GRM1: variants seen among roughly 807,000 people sequenced by gnomAD.
GRM1 encodes the protein metabotropic glutamate receptor 1.
A neutral mutation model predicts 90.9 loss-of-function variants in GRM1; 33 were observed. The ratio of observed to expected loss-of-function variants is 0.36; its 90% CI spans 0.28 to 0.49. The LOEUF is 0.49. Ranked by LOEUF, GRM1 falls within the 20% of genes least tolerant of loss-of-function variation. The pLI, the probability that GRM1 is intolerant of heterozygous loss-of-function variation, is 0.99. For missense variants in GRM1, 1,190 were observed against 1,534.3 expected (o/e 0.78, Z 3.75); for synonymous variants, 700 against 613.2 (o/e 1.14, Z -2.09).
At chr6:146,380,247 A>T (rs6905525) in intron 5 of GRM1, among the ~76,000 whole-genome samples, 5 of 151,848 alleles carry the variant, frequency 3.3e-5, no homozygotes, top group South Asian at 2.1e-4. Context: ...TGGGAGTCAA[A>T]GACTAGAGTC....
rs76320459 is a variant in GRM1, at chr6:146,108,295, T to A, written c.701-51053T>A. 8.9e-4 allele frequency among the ~76,000 whole-genome samples: 135 copies of A among 152,292 alleles called. 1 individual carries two copies. The highest frequency in any genetic ancestry group is 3.1e-3 in the African/African-American group (127 of 41,544). The stretch of plus-strand genomic sequence containing the variant: ...GTCCCCACCCTAATCTCATCTTGAA[T>A]TGTAACTCCCACAATTCCCATGTGT... On this transcript the variant is annotated intron_variant, in intron 1 of 7. Coordinates refer to ENST00000282753, the MANE Select transcript of GRM1 (RefSeq NM_001278064.2).
chr6:146,044,102 T>G (rs1191975281), intron 1 of GRM1, among the ~76,000 whole-genome samples: 1 of 151,906 alleles, frequency 6.6e-6, no homozygotes, highest in African/African-American at 2.4e-5. Context: ...TTCTGGGACC[T>G]GCCATGAGGC....
At chr6:146,343,658 T>TTTATTATTATTATTATTATTATTA (rs58070198) in intron 3 of GRM1, among the ~76,000 whole-genome samples, 98 of 148,442 alleles carry the variant, frequency 6.6e-4, no homozygotes, top group African/African-American at 2.3e-3. Context: ...GTTGTTTTTA[T>TTTATTATTATTATTATTATTATTA]TTATTATTAT....
At chr6:146,374,876 C>A (rs1776036583) in intron 5 of GRM1, among the ~76,000 whole-genome samples, 1 of 151,610 alleles carries the variant, frequency 6.6e-6, no homozygotes, top group Non-Finnish European at 1.5e-5. Flanking sequence ...TATTTCTATT[C>A]TGATCTTCAT....
At chr6:146,391,789 G>A (rs1218527551) in intron 6 of GRM1, among the ~76,000 whole-genome samples, 1 of 152,002 alleles carries the variant, frequency 6.6e-6, no homozygotes, top group Non-Finnish European at 1.5e-5. Flanking sequence ...GTTTTGGATG[G>A]TTCCAGATTG....
Position 146,127,798 on chromosome 6 carries a change from G to A in GRM1, c.701-31550G>A, listed in dbSNP as rs146506262. On this transcript the variant is annotated intron_variant, in intron 1 of 7. Transcript: ENST00000282753. The stretch of plus-strand genomic sequence containing the variant: ...TTAAGTATTTTTCTGGTTGTCTATT[G>A]ATATGTAACAAATCACTCCCAAATT... Among the ~76,000 whole-genome samples, 286 of 152,214 alleles carry A rather than the reference G, an allele frequency of 1.9e-3. 2 individuals are homozygous for A. The highest frequency in any genetic ancestry group is 6.6e-3 in the African/African-American group (272 of 41,522).
chr6:146,230,848 C>T (rs780267038), intron 2 of GRM1, among the ~76,000 whole-genome samples: 74 of 152,006 alleles, frequency 4.9e-4, no homozygotes, highest in South Asian at 1.2e-3. Context: ...AGCTATCAAG[C>T]CATCAAGACA....
chr6:146,112,562 A>G (rs914666310), intron 1 of GRM1, among the ~76,000 whole-genome samples: 2 of 152,160 alleles, frequency 1.3e-5, no homozygotes, highest in Non-Finnish European at 2.9e-5. Flanking sequence ...AGACCCCTCT[A>G]TCTGGGCTCC....
At chr6:146,148,450 A>G (rs1198538135) in intron 1 of GRM1, among the ~76,000 whole-genome samples, 1 of 152,166 alleles carries the variant, frequency 6.6e-6, no homozygotes, top group Non-Finnish European at 1.5e-5. Flanking sequence ...CTGACATTTA[A>G]AAATATGACA....
chr6:146,258,405 A>G (rs1317224254), intron 2 of GRM1, among the ~76,000 whole-genome samples: 1 of 152,154 alleles, frequency 6.6e-6, no homozygotes, highest in African/African-American at 2.4e-5. Context: ...TGCCTTTATC[A>G]ACCACAAATA....
At chr6:146,262,284 T>G (rs1368959237) in intron 2 of GRM1, among the ~76,000 whole-genome samples, 1 of 152,056 alleles carries the variant, frequency 6.6e-6, no homozygotes, top group Non-Finnish European at 1.5e-5. Flanking sequence ...AAAAATTATC[T>G]TGACAACCTG....
At chr6:146,031,749 A>G (rs1790715477) in intron 1 of GRM1, among the ~76,000 whole-genome samples, 1 of 152,184 alleles carries the variant, frequency 6.6e-6, no homozygotes, top group Non-Finnish European at 1.5e-5. Flanking sequence ...GTTAATGTTT[A>G]GCATAGTTTC....
At chr6:146,083,045 G>T (rs1258520672) in intron 1 of GRM1, among the ~76,000 whole-genome samples, 2 of 152,052 alleles carry the variant, frequency 1.3e-5, no homozygotes, top group Admixed American at 1.3e-4. Context: ...CTTGTGTATT[G>T]TTGGTGTATA....
chr6:146,237,883 T>G (rs1314567894), intron 2 of GRM1, among the ~76,000 whole-genome samples: 1 of 152,190 alleles, frequency 6.6e-6, no homozygotes, highest in East Asian at 1.9e-4. Flanking sequence ...TCAAGATTTA[T>G]GTAGCCAGCT....
chr6:146,219,953 G>T (rs1780003737), intron 2 of GRM1, among the ~76,000 whole-genome samples: 1 of 151,886 alleles, frequency 6.6e-6, no homozygotes, highest in Non-Finnish European at 1.5e-5. Context: ...GCACACATAT[G>T]GGAGTGTATA....
chr6:146,374,041 A>T (rs75386033), intron 5 of GRM1, among the ~76,000 whole-genome samples: 4,981 of 152,202 alleles, frequency 0.033, 113 homozygotes, highest in Non-Finnish European at 0.049. Context: ...TGTTCCTTTT[A>T]TCCCCAGTTT....
chr6:146,321,954 T>A (rs542161651), intron 3 of GRM1, among the ~76,000 whole-genome samples: 1 of 152,182 alleles, frequency 6.6e-6, no homozygotes, highest in African/African-American at 2.4e-5. Flanking sequence ...GGAACATTTT[T>A]GTTCCCTTGC....
At chr6:146,364,337 A>G (rs1043865957) in intron 5 of GRM1, among the ~76,000 whole-genome samples, 8 of 152,156 alleles carry the variant, frequency 5.3e-5, no homozygotes, top group Admixed American at 2.0e-4. Flanking sequence ...CTTGAATATG[A>G]TAGCAAGAGA....
chr6:146,381,964 A>C (rs952435243), intron 5 of GRM1, among the ~76,000 whole-genome samples: 2 of 152,188 alleles, frequency 1.3e-5, no homozygotes, highest in South Asian at 4.1e-4. Flanking sequence ...TAAATGTTTT[A>C]AGACACTCAC....
Sources: gnomAD v4.1 joint callset for allele counts (sites outside exome capture counted in the v4.1 genomes callset) on GRCh38, gnomAD v4.1.1 for gene constraint, MANE v1.5 for transcripts, NCBI Gene and HGNC (gene_info 2026-07-23, HGNC 2026-07-21) for gene names.